HSD11B1: variants seen among roughly 807,000 people sequenced by gnomAD.
HSD11B1 encodes the protein hydroxysteroid 11-beta dehydrogenase 1.
In HSD11B1, 15 loss-of-function variants were observed where a neutral mutation model predicts 22.1. The ratio of observed to expected loss-of-function variants is 0.68; its 90% CI spans 0.45 to 1.04. HSD11B1 has a LOEUF of 1.04. HSD11B1 is among the 50% of genes least tolerant of loss of function. HSD11B1 has a pLI of 0.00. For synonymous variants in HSD11B1, 122 were observed against 125.2 expected, an observed-to-expected ratio of 0.97 and a Z score of 0.17; for missense variants, 281 against 357.6, an observed-to-expected ratio of 0.79 and a Z score of 1.73.
chr1:209,702,316 A>G (rs1351272999), upstream of HSD11B1, among the ~76,000 whole-genome samples: 1 of 152,198 alleles, frequency 6.6e-6, no homozygotes, highest in East Asian at 1.9e-4. Flanking sequence ...GCAGTATCTC[A>G]AAAACACTAA....
At chr1:209,695,747 T>TACA (rs1278071545) in intron 1 of HSD11B1, among the ~76,000 whole-genome samples, 24 of 152,204 alleles carry the variant, frequency 1.6e-4, no homozygotes, top group East Asian at 1.2e-3. Context: ...GTGGAGGTTG[T>TACA]GGTGAGCCAA....
chr1:209,732,251 C>T (rs2077040106), intron 4 of HSD11B1, among the ~76,000 whole-genome samples, 185 bp from the exon 5 acceptor site: 1 of 152,134 alleles, frequency 6.6e-6, no homozygotes, highest in Admixed American at 6.5e-5. Flanking sequence ...CCAATCCCAC[C>T]CTATGCCTTC....
rs1369483166 is a variant in HSD11B1, at chr1:209,692,542, C to T, written c.-49+6257C>T. On this transcript the variant is annotated intron_variant, in intron 1 of 6. Transcript: ENST00000261465. ...GAAGACAGGCCAGGGTGGTCAGGCA[C>T]CCCCTGGGGGATGATGGCAAATGAA... Among the ~76,000 whole-genome samples the T allele has an allele frequency of 2.2e-5, 3 of 135,210 alleles. No individual in the cohort carries two copies. In the South Asian group the frequency reaches 6.7e-4, roughly 30 times the overall value. 88.7% of individuals were successfully genotyped at this position (135,210 alleles called of 152,430 possible). A position where few individuals can be genotyped will look rare whatever the true frequency, so the allele number is the denominator to read the frequency against.
intron 1 of HSD11B1, among the ~76,000 whole-genome samples, chr1:209,688,762 C>T (rs2076742390): frequency 6.6e-6 from 1 of 152,168 alleles, no homozygotes; most frequent in Non-Finnish European, 1.5e-5. Flanking sequence ...TTTCTGCATC[C>T]TGACAAAATG....
At chr1:209,692,612 G>GGGT (rs1553286721) in intron 1 of HSD11B1, among the ~76,000 whole-genome samples, 1 of 113,010 alleles carries the variant, frequency 8.8e-6, no homozygotes, top group Non-Finnish European at 1.9e-5. Flanking sequence ...AATGGCGGGG[G>GGGT]GGGGGGTGGG....
At chr1:209,688,171 A>G (rs1305829981) in intron 1 of HSD11B1, among the ~76,000 whole-genome samples, 1 of 152,122 alleles carries the variant, frequency 6.6e-6, no homozygotes, top group African/African-American at 2.4e-5. Context: ...CTAGCCATTC[A>G]GGCTACCTGA....
intron 4 of HSD11B1, among the ~76,000 whole-genome samples, chr1:209,718,643 C>G (rs954138314): frequency 1.3e-5 from 2 of 152,060 alleles, no homozygotes; most frequent in Non-Finnish European, 2.9e-5. Context: ...TAAAATGGTA[C>G]AGTCACTATG....
chr1:209,722,136 A>G (rs1379357647), intron 4 of HSD11B1, among the ~76,000 whole-genome samples: 1 of 152,156 alleles, frequency 6.6e-6, no homozygotes, highest in Non-Finnish European at 1.5e-5. Context: ...CTATTCTTTT[A>G]TTCTTGCCTT....
intron 1 of HSD11B1, among the ~76,000 whole-genome samples, chr1:209,687,642 T>C (rs1205677383): frequency 2.6e-5 from 4 of 152,218 alleles, no homozygotes; most frequent in African/African-American, 9.6e-5. Context: ...GGAGGGAGAC[T>C]GGAACTCAGT....
intron 4 of HSD11B1, among the ~76,000 whole-genome samples, chr1:209,726,682 C>T (rs2077005062): frequency 6.6e-6 from 1 of 152,162 alleles, no homozygotes; most frequent in African/African-American, 2.4e-5. Context: ...TCCTTCACTA[C>T]TTCTCTCCTT....
At position 209,734,585 on chromosome 1, in the gene HSD11B1, G is replaced by A. The variant is rs987474194; in HGVS notation, c.*64G>A. The A allele has an allele frequency of 3.1e-5, 37 of 1,195,980 alleles. No homozygotes were observed. Among genetic ancestry groups the A allele is most frequent in the Non-Finnish European group, 4.2e-5 (34 of 808,442 alleles). The allele number at this position is 1,195,980 out of a possible 1,614,324, so 74.1% of individuals were successfully genotyped here. On this transcript the variant is annotated 3_prime_UTR_variant, in exon 6 of 6. Transcript: ENST00000367027. ...ACTGTTCTGTCTCATGTTTATCTGA[G>A]CTCTTATCTATGAAGACATCTTCCC...
intron 4 of HSD11B1, among the ~76,000 whole-genome samples, chr1:209,713,190 CT>C (rs1274426614): frequency 1.3e-5 from 2 of 152,122 alleles, no homozygotes; most frequent in East Asian, 3.8e-4. Flanking sequence ...TGGAAGTAAC[CT>C]AAATGTCTGG....
intron 4 of HSD11B1, among the ~76,000 whole-genome samples, chr1:209,720,265 G>A (rs2076957175): frequency 6.6e-6 from 1 of 152,122 alleles, no homozygotes; most frequent in Non-Finnish European, 1.5e-5. Context: ...TTGAAAACAT[G>A]TATCATTTGA....
chr1:209,734,277 C>T, intron 5 of HSD11B1, 27 bp from the exon 6 acceptor site: 1 of 1,570,940 alleles, frequency 6.4e-7, no homozygotes, highest in East Asian at 2.2e-5. Context: ...AGTCAGATAA[C>T]CCTACTCTTC....
intron 4 of HSD11B1, among the ~76,000 whole-genome samples, chr1:209,723,822 T>C (rs2076983334): frequency 6.6e-6 from 1 of 152,188 alleles, no homozygotes; most frequent in African/African-American, 2.4e-5. Context: ...CCAGCTAATA[T>C]ATTGGTCTTC....
Position 209,706,852 on chromosome 1 carries a change from A to G in HSD11B1, c.331+32A>G, listed in dbSNP as rs1404510643. The G allele has an allele frequency of 6.2e-7, 1 of 1,605,950 alleles. No homozygotes were observed. The highest frequency in any genetic ancestry group is 8.5e-7 in the Non-Finnish European group (1 of 1,174,340). ...CTGTTTCTCTTACCTCCTCCTCTGA[A>G]CTTTGCCCTTGGGGTCACCAAGAGC... On this transcript the variant is annotated intron_variant, in intron 3 of 5. Transcript: ENST00000367027. The surrounding 1 kb of genome is among the most constrained non-coding windows in gnomAD (Gnocchi z 4.0).
intron 4 of HSD11B1, among the ~76,000 whole-genome samples, chr1:209,731,725 G>GT (rs1257225130): frequency 2.6e-5 from 4 of 152,018 alleles, no homozygotes; most frequent in African/African-American, 4.8e-5. Flanking sequence ...TCTGTTTTTT[G>GT]TTTTTTTGAG....
At chr1:209,718,836 A>G (rs2076946411) in intron 4 of HSD11B1, among the ~76,000 whole-genome samples, 1 of 151,930 alleles carries the variant, frequency 6.6e-6, no homozygotes, top group Admixed American at 6.6e-5. Flanking sequence ...CCTGGCCAAT[A>G]TGGTGAAACC....
chr1:209,712,351 A>G (rs867221827), intron 4 of HSD11B1, among the ~76,000 whole-genome samples: 10 of 152,340 alleles, frequency 6.6e-5, no homozygotes, highest in Middle Eastern at 3.4e-3. Context: ...TCAAAAAAAA[A>G]TGGGGGGAAA....
Sources: gnomAD v4.1 joint callset for allele counts (sites outside exome capture counted in the v4.1 genomes callset) on GRCh38, gnomAD v4.1.1 for gene constraint, Gnocchi (gnomAD v3.1) non-coding constraint, MANE v1.5 for transcripts, NCBI Gene and HGNC (gene_info 2026-07-23, HGNC 2026-07-21) for gene names.